The following GSE1 variants were observed in gnomAD, a reference collection of about 807,000 sequenced individuals.
The protein encoded by GSE1 is genetic suppressor element 1.
GSE1 carries 32 observed loss-of-function variants against 112.6 expected under a neutral mutation model. The observed-to-expected ratio is 0.28, with a 90% CI of 0.21 to 0.38. The LOEUF is 0.38. GSE1 is among the 10% of genes least tolerant of loss of function. The probability of loss-of-function intolerance (pLI) is 1.00; values close to 1 mark genes in which losing one functional copy is unlikely to be tolerated. For missense variants in GSE1, 2,348 were observed against 1,699.2 expected, an observed-to-expected ratio of 1.38 and a Z score of -6.71; for synonymous variants, 1,115 against 735.6, an observed-to-expected ratio of 1.52 and a Z score of -8.35.
upstream of GSE1, among the ~76,000 whole-genome samples, chr16:85,554,010 C>T (rs2045069589): frequency 6.6e-6 from 1 of 152,196 alleles, no homozygotes; most frequent in Non-Finnish European, 1.5e-5. Flanking sequence ...TTCCTCAAAC[C>T]ATGATTGTAT....
intron 1 of GSE1, among the ~76,000 whole-genome samples, chr16:85,565,223 C>T (rs1247041954): frequency 6.6e-6 from 1 of 151,932 alleles, no homozygotes; most frequent in Admixed American, 6.6e-5. Flanking sequence ...AACCCCGTCT[C>T]TACTAAAAAT....
chr16:85,339,318 G>A (rs2046573482), intron 1 of GSE1, among the ~76,000 whole-genome samples: 1 of 152,154 alleles, frequency 6.6e-6, no homozygotes. Context: ...CTGTGGAAGG[G>A]GCACATTTGT....
At chr16:85,427,298 A>G (rs977576774) in intron 2 of GSE1, among the ~76,000 whole-genome samples, 1 of 152,192 alleles carries the variant, frequency 6.6e-6, no homozygotes, top group African/African-American at 2.4e-5. Flanking sequence ...CTTAGGTTTT[A>G]TTTCCAGTAG....
rs2052403218 is a variant in GSE1 at position 85,661,238 on chromosome 16, A to G, written c.1733A>G (p.His578Arg). The part of the protein sequence containing the change: ...PPLISPKPQL[H>R]AAPTALWNPV... ...CTGATTTCGCCCAAGCCCCAGCTCC[A>G]TGCTGCACCCACGGCCCTCTGGAAC... Residue 578 changes from histidine (H) to arginine (R), a missense_variant, in exon 9 of 16, where the codon CAT (histidine) becomes CGT (arginine). Coordinates refer to ENST00000253458, the MANE Select transcript of GSE1 (RefSeq NM_014615.5). 6.2e-7 allele frequency: 1 copy of G among 1,612,872 alleles called. No homozygotes were observed.
chr16:85,174,519 C>T (rs1003075319), intron 1 of GSE1, among the ~76,000 whole-genome samples: 2 of 152,208 alleles, frequency 1.3e-5, no homozygotes, highest in Admixed American at 6.5e-5. Flanking sequence ...TCTGGTCTTC[C>T]GTCCTCCCTC....
chr16:85,397,067 G>A (rs1470150450), intron 2 of GSE1, among the ~76,000 whole-genome samples: 1 of 152,220 alleles, frequency 6.6e-6, no homozygotes, highest in Admixed American at 6.5e-5. Flanking sequence ...AGAGAGGCAT[G>A]GGCAGATGGA....
intron 2 of GSE1, among the ~76,000 whole-genome samples, chr16:85,498,732 G>C (rs144606163): frequency 1.3e-5 from 2 of 152,256 alleles, no homozygotes; most frequent in South Asian, 4.1e-4. Flanking sequence ...GGGTTCCCCA[G>C]GGCCTGGGAG....
chr16:85,340,476 C>CTTTT (rs1369350768), intron 1 of GSE1, among the ~76,000 whole-genome samples: 1 of 152,132 alleles, frequency 6.6e-6, no homozygotes, highest in Non-Finnish European at 1.5e-5. Context: ...CCCATCTCTA[C>CTTTT]TAAAAATACA....
intron 2 of GSE1, among the ~76,000 whole-genome samples, chr16:85,501,762 C>T (rs926912615): frequency 2.1e-4 from 32 of 152,208 alleles, no homozygotes; most frequent in South Asian, 6.2e-4. Flanking sequence ...GAGAACCGCT[C>T]GGGTCAGGCT....
chr16:85,199,262 A>G (rs2074984879), intron 1 of GSE1, among the ~76,000 whole-genome samples: 1 of 151,650 alleles, frequency 6.6e-6, no homozygotes, highest in African/African-American at 2.4e-5. Flanking sequence ...CCGCCTGTAT[A>G]TTTTATAGAG....
intron 1 of GSE1, among the ~76,000 whole-genome samples, chr16:85,585,728 T>C (rs758552353): frequency 1.4e-4 from 22 of 152,222 alleles, no homozygotes; most frequent in Non-Finnish European, 2.9e-4. Context: ...TTTCCTTGTT[T>C]ATAGAGCTGA....
intron 2 of GSE1, among the ~76,000 whole-genome samples, chr16:85,460,247 A>T (rs530932644): frequency 3.3e-5 from 5 of 152,284 alleles, no homozygotes; most frequent in Non-Finnish European, 7.4e-5. Context: ...CAGCCTTCTC[A>T]GCCGTAGCTG....
Position 85,458,551 on chromosome 16 carries a change from C to T in GSE1, c.2464+100908C>T, listed in dbSNP as rs74460607. 8.5e-3 allele frequency among the ~76,000 whole-genome samples: 1,298 copies of T among 152,304 alleles called. 16 individuals carry two copies. The highest frequency in any genetic ancestry group is 0.03 in the African/African-American group (1,248 of 41,564). On this transcript the variant is annotated intron_variant, in intron 2 of 2. Transcript: ENST00000637419. ...AGGCTGGTTGAGCTGGGCATGGAGG[C>T]CCAGGGGCCAGGGGAATCTCCTGTT...
chr16:85,304,854 TTTACC>T (rs1165955383), intron 1 of GSE1, among the ~76,000 whole-genome samples: 1 of 152,180 alleles, frequency 6.6e-6, no homozygotes, highest in Non-Finnish European at 1.5e-5. Context: ...TTGCTGTTCC[TTTACC>T]TGTGACAACT....
intron 8 of GSE1, chr16:85,659,636 A>T (rs958741978): frequency 6.6e-6 from 1 of 152,256 alleles, no homozygotes; most frequent in Non-Finnish European, 1.5e-5. Context: ...GTAAATAGCC[A>T]CTGCACTCCA....
At chr16:85,315,272 A>G (rs906431303) in intron 1 of GSE1, among the ~76,000 whole-genome samples, 2 of 152,164 alleles carry the variant, frequency 1.3e-5, no homozygotes, top group Admixed American at 6.5e-5. Flanking sequence ...TCACAGGAGC[A>G]TTTAGGGCCT....
intron 1 of GSE1, among the ~76,000 whole-genome samples, chr16:85,277,480 C>G (rs1428470693): frequency 6.6e-6 from 1 of 151,976 alleles, no homozygotes; most frequent in Non-Finnish European, 1.5e-5. Context: ...CTGTACTGCT[C>G]AGATGTGTAT....
At chr16:85,660,879 C>G in intron 8 of GSE1, among the ~76,000 whole-genome samples, 1 of 152,130 alleles carries the variant, frequency 6.6e-6, no homozygotes, top group South Asian at 2.1e-4. Context: ...ATCCACCCTC[C>G]TCGGCCTCCC....
At chr16:85,328,468 G>C (rs970217678) in intron 1 of GSE1, among the ~76,000 whole-genome samples, 1 of 152,196 alleles carries the variant, frequency 6.6e-6, no homozygotes. Context: ...GCCTTCCCCC[G>C]CCCGCCTAGA....
Sources: gnomAD v4.1 joint callset for allele counts (sites outside exome capture counted in the v4.1 genomes callset) on GRCh38, gnomAD v4.1.1 for gene constraint, MANE v1.5 for transcripts, NCBI Gene and HGNC (gene_info 2026-07-23, HGNC 2026-07-21) for gene names.